Variants in PDZRN3 observed in about 807,000 individuals in gnomAD.
The protein encoded by PDZRN3 is E3 ubiquitin-protein ligase PDZRN3.
PDZRN3 carries 38 observed loss-of-function variants against 85.7 expected under a neutral mutation model. That is an observed-to-expected ratio of 0.44 (90% CI 0.34 to 0.58). The LOEUF is 0.58. Among genes scored for constraint, PDZRN3 ranks in the 20% least tolerant of loss-of-function variants. The pLI is 0.01. For synonymous variants in PDZRN3, 759 were observed against 638.0 expected (o/e 1.19, Z -2.86); for missense variants, 1,629 against 1,506.4 (o/e 1.08, Z -1.35).
At chr3:73,434,023 T>G (rs752739911) in intron 3 of PDZRN3, 11 of 1,010,756 alleles carry the variant, frequency 1.1e-5, no homozygotes, top group Non-Finnish European at 1.4e-5. Flanking sequence ...ACACGCTATA[T>G]ATACTGCTGC....
intron 3 of PDZRN3, among the ~76,000 whole-genome samples, chr3:73,462,423 T>C (rs539760753): frequency 6.6e-6 from 1 of 151,532 alleles, no homozygotes; most frequent in East Asian, 1.9e-4. Flanking sequence ...TGGGCCCCTG[T>C]AGTCCCAGCT....
At chr3:73,468,872 G>C (rs1252677102) in intron 3 of PDZRN3, among the ~76,000 whole-genome samples, 2 of 152,088 alleles carry the variant, frequency 1.3e-5, no homozygotes, top group African/African-American at 4.8e-5. Flanking sequence ...TTCTGCATTT[G>C]AGAAATGGGA....
At chr3:73,574,457 T>TGGGGG (rs72092693) in intron 3 of PDZRN3, among the ~76,000 whole-genome samples, 16 of 120,896 alleles carry the variant, frequency 1.3e-4, no homozygotes, top group African/African-American at 2.5e-4. Context: ...TTGGCTGGGG[T>TGGGGG]GGGGGGGGTG....
chr3:73,588,231 G>A (rs955858514), intron 3 of PDZRN3, among the ~76,000 whole-genome samples: 3 of 152,134 alleles, frequency 2.0e-5, no homozygotes, highest in African/African-American at 7.2e-5. Flanking sequence ...ATGGCTTCCA[G>A]CTTCATCCAC....
intron 3 of PDZRN3, among the ~76,000 whole-genome samples, chr3:73,438,863 T>G (rs1266731596): frequency 6.6e-6 from 1 of 152,224 alleles, no homozygotes; most frequent in Non-Finnish European, 1.5e-5. Flanking sequence ...CTGCCCAGCC[T>G]CATCTGCGTC....
intron 3 of PDZRN3, among the ~76,000 whole-genome samples, chr3:73,411,581 G>C (rs1188755739): frequency 6.6e-6 from 1 of 150,594 alleles, no homozygotes; most frequent in Admixed American, 6.6e-5. Flanking sequence ...CCTGCTTCTG[G>C]CTTTCACTAG....
At chr3:73,585,909 G>A (rs554166546) in intron 3 of PDZRN3, among the ~76,000 whole-genome samples, 1 of 152,118 alleles carries the variant, frequency 6.6e-6, no homozygotes, top group Admixed American at 6.5e-5. Context: ...AAGCACAACT[G>A]CTAAAGGAAA....
intron 3 of PDZRN3, among the ~76,000 whole-genome samples, chr3:73,412,173 G>A (rs1048496956): frequency 6.6e-6 from 1 of 152,196 alleles, no homozygotes; most frequent in Non-Finnish European, 1.5e-5. Flanking sequence ...GGCAAATACA[G>A]CCACAAATTG....
chr3:73,624,693 A>G lies in PDZRN3; in HGVS notation c.133T>C (p.Trp45Arg). Residue 45 changes from tryptophan (W) to arginine (R), a missense_variant, in exon 1 of 10, where the codon TGG becomes CGG. Physicochemically the swap from Trp to Arg is moderately radical, Grantham distance 101 (BLOSUM62 -3). Transcript: ENST00000263666. Reference sequence around the variant, plus strand: ...GGGCAGCTGCCCTCCTGCACCACCCAGGGCAGCACGCAGCCGGCGCAGAAG... The same window carrying G: ...GGGCAGCTGCCCTCCTGCACCACCCGGGGCAGCACGCAGCCGGCGCAGAAG... ...HVFCAGCVLPWVVQEGSCPAR... is the reference protein window; with the variant it reads ...HVFCAGCVLPRVVQEGSCPAR... The G allele has an allele frequency of 1.3e-6, 2 of 1,524,184 alleles. No individual in the cohort carries two copies. Among genetic ancestry groups the G allele is most frequent in the Non-Finnish European group, 1.8e-6 (2 of 1,141,720 alleles). The allele number at this position is 1,524,184 out of a possible 1,614,324, so 94.4% of individuals were successfully genotyped here.
chr3:73,525,783 C>CT (rs1704508584), intron 3 of PDZRN3, among the ~76,000 whole-genome samples: 1 of 152,208 alleles, frequency 6.6e-6, no homozygotes, highest in African/African-American at 2.4e-5. Flanking sequence ...GTCTCACCCC[C>CT]TCAGCGAGGG....
intron 3 of PDZRN3, among the ~76,000 whole-genome samples, chr3:73,415,827 T>C (rs1702069910): frequency 6.6e-6 from 1 of 152,194 alleles, no homozygotes; most frequent in African/African-American, 2.4e-5. Flanking sequence ...CACCTGTACA[T>C]ATGTGTAATG....
chr3:73,514,230 T>C (rs946207253), intron 3 of PDZRN3, among the ~76,000 whole-genome samples: 17 of 152,212 alleles, frequency 1.1e-4, no homozygotes, highest in African/African-American at 4.1e-4. Context: ...ATCTGTTTAT[T>C]CTACTTAGTT....
chr3:73,471,583 TCC>T (rs749923957), intron 3 of PDZRN3, among the ~76,000 whole-genome samples: 25 of 152,166 alleles, frequency 1.6e-4, no homozygotes, highest in Non-Finnish European at 2.8e-4. Context: ...CCGGGCCATG[TCC>T]TCTGAGGGGT....
At chr3:73,399,017 G>C (rs1701696730) in intron 5 of PDZRN3, among the ~76,000 whole-genome samples, 2 of 152,168 alleles carry the variant, frequency 1.3e-5, no homozygotes, top group African/African-American at 2.4e-5. Flanking sequence ...AGATACTGTG[G>C]GGGCTCAGTG....
rs779670328 is a variant in PDZRN3 at position 73,383,910 on chromosome 3, G to A, written c.2656C>T (p.Leu886=). ...HAQHYQSYMQ[L]IQQKSAVEYA... ...TCCACGGCCGACTTCTGCTGGATCA[G>A]CTGCATGTAGCTCTGGTAGTGCTGG... Residue 886 remains leucine (L), a synonymous_variant, in exon 10 of 10, where the codon CTG becomes TTG. Coordinates refer to ENST00000263666, the MANE Select transcript of PDZRN3 (RefSeq NM_015009.3). 7.4e-6 allele frequency: 12 copies of A among 1,611,862 alleles called. No individual in the cohort carries two copies. In the South Asian group the frequency reaches 1.3e-4, roughly 18 times the overall value.
chr3:73,557,660 TC>T (rs1701730694), intron 3 of PDZRN3, among the ~76,000 whole-genome samples: 1 of 152,094 alleles, frequency 6.6e-6, no homozygotes, highest in Non-Finnish European at 1.5e-5. Context: ...ATTCTGCCAT[TC>T]TGCCATTCAC....
chr3:73,597,520 C>T (rs1198469698), intron 3 of PDZRN3, among the ~76,000 whole-genome samples: 1 of 152,100 alleles, frequency 6.6e-6, no homozygotes, highest in Non-Finnish European at 1.5e-5. Flanking sequence ...ATCAAGATTG[C>T]TAGCTCAAAG....
At chr3:73,459,661 C>T (rs564907548) in intron 3 of PDZRN3, among the ~76,000 whole-genome samples, 1 of 152,330 alleles carries the variant, frequency 6.6e-6, no homozygotes, top group African/African-American at 2.4e-5. Flanking sequence ...CAACTCGATC[C>T]ATGCTCCTGC....
intron 3 of PDZRN3, among the ~76,000 whole-genome samples, chr3:73,424,768 A>G (rs923110788): frequency 2.6e-5 from 4 of 152,128 alleles, no homozygotes; most frequent in Non-Finnish European, 5.9e-5. Context: ...AAAAATGGCC[A>G]ATATACATAA....
Sources: gnomAD v4.1 joint callset for allele counts (sites outside exome capture counted in the v4.1 genomes callset) on GRCh38, gnomAD v4.1.1 for gene constraint, MANE v1.5 for transcripts, NCBI Gene and HGNC (gene_info 2026-07-23, HGNC 2026-07-21) for gene names.